The following RRBP1 variants were observed in gnomAD, a reference collection of about 807,000 sequenced individuals.
RRBP1 encodes ribosome-binding protein 1.
Under a neutral mutation model 165.2 loss-of-function variants are expected in RRBP1, and 94 were observed. That is an observed-to-expected ratio of 0.57 (90% CI 0.48 to 0.68). RRBP1 has a LOEUF of 0.68. RRBP1 is among the 30% of genes least tolerant of loss of function. The probability of loss-of-function intolerance (pLI) is 0.00; values close to 1 mark genes in which losing one functional copy is unlikely to be tolerated. For missense variants in RRBP1, 1,676 were observed against 1,763.0 expected (o/e 0.95, Z 0.88); for synonymous variants, 680 against 714.5 (o/e 0.95, Z 0.77).
At position 17,615,413 on chromosome 20, in the gene RRBP1, G is replaced by A. The variant is rs199871579; in HGVS notation, c.4050+18C>T. ...AGCAGACCCTCCAGGTGTGACCCCCGCCCCAGCCCCTGCCTGCCTTCAGCT... is the reference window on the plus strand; with the variant it reads ...AGCAGACCCTCCAGGTGTGACCCCCACCCCAGCCCCTGCCTGCCTTCAGCT... On this transcript the variant is annotated intron_variant, in intron 23 of 24. Transcript: ENST00000377813. The A allele has an allele frequency of 1.6e-4, 259 of 1,591,890 alleles. No individual in the cohort carries two copies. The Admixed American group carries it at 3.4e-3, about 21-fold the overall frequency.
intron 3 of RRBP1, among the ~76,000 whole-genome samples, chr20:17,646,152 G>A (rs930250850): frequency 1.3e-5 from 2 of 152,138 alleles, no homozygotes; most frequent in African/African-American, 4.8e-5. Flanking sequence ...TGAGCTGGGT[G>A]GTCCTGGGCA....
At position 17,655,582 on chromosome 20, in the gene RRBP1, C is replaced by T. The variant is rs552166549; in HGVS notation, c.1912+3014G>A. Reference sequence around the variant, plus strand: ...GTGGCTGCACTGTGTCTGGGTGAGCCGCATGCACCGAGGCCCTTGGGGTGG... The same window carrying T: ...GTGGCTGCACTGTGTCTGGGTGAGCTGCATGCACCGAGGCCCTTGGGGTGG... On this transcript the variant is annotated intron_variant, in intron 3 of 24. Transcript: ENST00000377813. Among the ~76,000 whole-genome samples the T allele has an allele frequency of 5.3e-4, 80 of 152,242 alleles. 2 individuals carry two copies. The South Asian group carries it at 0.015, about 28-fold the overall frequency.
intron 11 of RRBP1, among the ~76,000 whole-genome samples, chr20:17,626,698 G>A (rs1295349424): frequency 6.6e-5 from 10 of 152,174 alleles, no homozygotes; most frequent in Non-Finnish European, 1.5e-4. Flanking sequence ...TACAGGAGGC[G>A]AGCCCCAGAA....
rs200496231 is a variant in RRBP1, at chr20:17,624,626, T to C, written c.3097A>G (p.Thr1033Ala). The change falls in exon 13 of 25, where the codon ACG becomes GCG. Residue 1033 changes from threonine to alanine, a missense_variant. By Grantham distance (58) the Thr-to-Ala change is moderately conservative. Transcript: ENST00000377813. ...KNWKAMEALA[T>A]AEQACKEKLL... is the part of the protein sequence containing the mutation. ...TTCTCCTTGCAGGCCTGCTCGGCCG[T>C]GGCCAGTGCCTCCATGGCCTTCCAG... is the stretch of plus-strand genomic sequence containing the variant. The C allele has an allele frequency of 5.0e-4, 796 of 1,592,188 alleles. No individual in the cohort carries two copies. Among genetic ancestry groups the C allele is most frequent in the Non-Finnish European group, 4.4e-4 (516 of 1,169,920 alleles).
intron 3 of RRBP1, among the ~76,000 whole-genome samples, chr20:17,648,176 C>T (rs1173138747): frequency 1.3e-5 from 2 of 152,196 alleles, no homozygotes; most frequent in East Asian, 1.9e-4. Context: ...GGACGCAAGA[C>T]GCTCTCTAGG....
intron 3 of RRBP1, among the ~76,000 whole-genome samples, chr20:17,649,448 G>A (rs1423684028): frequency 6.6e-6 from 1 of 152,194 alleles, no homozygotes; most frequent in East Asian, 1.9e-4. Flanking sequence ...TTGCACGAGG[G>A]ATAAAGGCAT....
intron 2 of RRBP1, among the ~76,000 whole-genome samples, chr20:17,664,123 T>A (rs181413705): frequency 6.6e-6 from 1 of 152,316 alleles, no homozygotes; most frequent in Admixed American, 6.5e-5. Flanking sequence ...TATAACCATA[T>A]GCTAGCATCA....
intron 3 of RRBP1, among the ~76,000 whole-genome samples, chr20:17,647,046 C>T (rs777869083): frequency 2.6e-5 from 4 of 152,234 alleles, no homozygotes; most frequent in Non-Finnish European, 4.4e-5. Context: ...AGGGGATTAT[C>T]GCCTTGGCCC....
intron 3 of RRBP1, among the ~76,000 whole-genome samples, chr20:17,658,296 G>A (rs188036263): frequency 8.6e-4 from 131 of 152,148 alleles, no homozygotes; most frequent in South Asian, 8.1e-3. Flanking sequence ...CCTGGAGGGC[G>A]CCAGAAGGAC....
At chr20:17,636,426 G>T (rs185115424) in intron 6 of RRBP1, 151 bp downstream of exon 6, 3 of 840,588 alleles carry the variant, frequency 3.6e-6, no homozygotes, top group Non-Finnish European at 5.5e-6. Flanking sequence ...ACAGCCCCTG[G>T]ACTCCTAAAC....
chr20:17,629,783 C>A, intron 9 of RRBP1, 40 bp downstream of exon 9: 1 of 1,575,648 alleles, frequency 6.3e-7, no homozygotes, highest in Admixed American at 1.7e-5. Context: ...AGACCCAGCA[C>A]CCTGCACTGA....
chr20:17,615,839 G>T (rs565168535), intron 22 of RRBP1, 87 bp downstream of exon 22: 3 of 1,197,518 alleles, frequency 2.5e-6, no homozygotes, highest in African/African-American at 3.0e-5. Flanking sequence ...GGGCACAGCC[G>T]AGCGGGGCAG....
At chr20:17,648,526 C>T (rs1213393634) in intron 3 of RRBP1, among the ~76,000 whole-genome samples, 2 of 152,252 alleles carry the variant, frequency 1.3e-5, no homozygotes, top group Non-Finnish European at 1.5e-5. Flanking sequence ...CGAACGGTCA[C>T]ATCCGCAGCT....
intron 2 of RRBP1, among the ~76,000 whole-genome samples, chr20:17,667,344 C>G (rs2036892215): frequency 6.6e-6 from 1 of 152,212 alleles, no homozygotes; most frequent in African/African-American, 2.4e-5. Context: ...GGACCAGCTG[C>G]TGGCTTTCTG....
Position 17,643,270 on chromosome 20 carries a change from G to C in RRBP1, c.1913-143C>G. ...TTGGGGTCAGCAGGCTGAGCATGGCGAGTCTGCTCCAGTGTCTCCTGCTCT... is the reference window on the plus strand; with the variant it reads ...TTGGGGTCAGCAGGCTGAGCATGGCCAGTCTGCTCCAGTGTCTCCTGCTCT... On this transcript the variant is annotated intron_variant, in intron 3 of 24. Transcript: ENST00000377813. The surrounding 1 kb of genome is among the most constrained non-coding windows in gnomAD (Gnocchi z 4.3). 1 of 788,644 alleles carries C rather than the reference G, an allele frequency of 1.3e-6. No individual in the cohort carries two copies. The highest frequency in any genetic ancestry group is 2.0e-6 in the Non-Finnish European group (1 of 500,078). 48.9% of individuals were successfully genotyped at this position (788,644 alleles called of 1,614,324 possible).
rs116698206 is a variant in RRBP1 at position 17,670,876 on chromosome 20, C to T, written c.-22+9123G>A. On this transcript the variant is annotated intron_variant, in intron 2 of 24. Coordinates refer to ENST00000377813, the MANE Select transcript of RRBP1 (RefSeq NM_001365613.2). ...TTTTGGTTGGGTGTCTTACGCATTCCGCAAAATTCTCAGTCATTAGCTTTT... is the reference window on the plus strand; with the variant it reads ...TTTTGGTTGGGTGTCTTACGCATTCTGCAAAATTCTCAGTCATTAGCTTTT... 9.9e-3 allele frequency among the ~76,000 whole-genome samples: 1,507 copies of T among 152,200 alleles called. 28 individuals are homozygous for T. The highest frequency in any genetic ancestry group is 0.034 in the African/African-American group (1,414 of 41,510).
intron 2 of RRBP1, among the ~76,000 whole-genome samples, chr20:17,667,279 T>C (rs902193191): frequency 6.6e-6 from 1 of 152,220 alleles, no homozygotes; most frequent in African/African-American, 2.4e-5. Flanking sequence ...GCTAGAGTGC[T>C]GATTTTTAAC....
chr20:17,636,463 G>C (rs989846918), intron 6 of RRBP1, 114 bp downstream of exon 6: 5 of 1,273,576 alleles, frequency 3.9e-6, no homozygotes, highest in Non-Finnish European at 5.5e-6. Context: ...GACCCCTGTG[G>C]GCATCCTCAA....
chr20:17,641,530 T>C (rs2036358522), intron 5 of RRBP1: 1 of 540,058 alleles, frequency 1.9e-6, no homozygotes, highest in Non-Finnish European at 3.3e-6. Context: ...GCTGCTTAAC[T>C]TCCAAACCCT....
Sources: gnomAD v4.1 joint callset for allele counts (sites outside exome capture counted in the v4.1 genomes callset) on GRCh38, gnomAD v4.1.1 for gene constraint, Gnocchi (gnomAD v3.1) non-coding constraint, MANE v1.5 for transcripts, NCBI Gene and HGNC (gene_info 2026-07-23, HGNC 2026-07-21) for gene names.